The following LHFPL3 variants were observed in gnomAD, a reference collection of about 807,000 sequenced individuals.
The protein encoded by LHFPL3 is LHFPL tetraspan subfamily member 3, also known as LHFPL tetraspan subfamily member 3 protein.
LHFPL3 carries 5 observed loss-of-function variants against 19.3 expected under a neutral mutation model. The observed-to-expected ratio is 0.26, with a 90% confidence interval of 0.14 to 0.54. The LOEUF is 0.54. Ranked by LOEUF, LHFPL3 falls within the 20% of genes least tolerant of loss-of-function variation. LHFPL3 has a pLI of 0.94. For synonymous variants in LHFPL3, 133 were observed against 126.2 expected, an observed-to-expected ratio of 1.05 and a Z score of -0.36; for missense variants, 249 against 307.4, an observed-to-expected ratio of 0.81 and a Z score of 1.42.
intron 1 of LHFPL3, among the ~76,000 whole-genome samples, chr7:104,422,423 G>C (rs2116536538): frequency 6.6e-6 from 1 of 152,090 alleles, no homozygotes; most frequent in South Asian, 2.1e-4. Flanking sequence ...CCAGTCTATG[G>C]GGCTTCATTA....
At chr7:104,428,529 T>A (rs1373728248) in intron 1 of LHFPL3, among the ~76,000 whole-genome samples, 1 of 152,164 alleles carries the variant, frequency 6.6e-6, no homozygotes, top group Non-Finnish European at 1.5e-5. Flanking sequence ...TTATATTTTC[T>A]GCTTGATGTT....
At chr7:104,519,020 A>G (rs1182431709) in intron 1 of LHFPL3, among the ~76,000 whole-genome samples, 5 of 152,072 alleles carry the variant, frequency 3.3e-5, no homozygotes, top group Admixed American at 6.6e-5. Flanking sequence ...TGCTTGTCTT[A>G]GAGCTTTCTC....
At chr7:104,459,345 G>A (rs1792612326) in intron 1 of LHFPL3, among the ~76,000 whole-genome samples, 1 of 152,052 alleles carries the variant, frequency 6.6e-6, no homozygotes, top group African/African-American at 2.4e-5. Flanking sequence ...TTTGAATGTT[G>A]CCTGAAGTAA....
intron 1 of LHFPL3, among the ~76,000 whole-genome samples, chr7:104,567,953 T>A (rs1790154407): frequency 6.6e-6 from 1 of 152,166 alleles, no homozygotes; most frequent in Non-Finnish European, 1.5e-5. Flanking sequence ...CAGTCAAGTT[T>A]CGGGGCACCA....
At chr7:104,656,707 C>G (rs1391002742) in intron 1 of LHFPL3, among the ~76,000 whole-genome samples, 1 of 152,234 alleles carries the variant, frequency 6.6e-6, no homozygotes, top group Non-Finnish European at 1.5e-5. Flanking sequence ...CATTCCCCTT[C>G]CACCTCTCCA....
chr7:104,620,694 T>C (rs17422684), intron 1 of LHFPL3, among the ~76,000 whole-genome samples: 68,164 of 152,042 alleles, frequency 0.45, 15,500 homozygotes, highest in South Asian at 0.53. Context: ...TCTGGGTACA[T>C]AATGGCCCGG....
intron 1 of LHFPL3, among the ~76,000 whole-genome samples, chr7:104,575,638 A>AT (rs1388782596): frequency 1.4e-5 from 2 of 141,272 alleles, no homozygotes; most frequent in Non-Finnish European, 3.1e-5. Context: ...TCTTTGCTTT[A>AT]TTATTTATTT....
At chr7:104,499,956 T>C (rs1584362186) in intron 1 of LHFPL3, among the ~76,000 whole-genome samples, 1 of 152,242 alleles carries the variant, frequency 6.6e-6, no homozygotes, top group African/African-American at 2.4e-5. Flanking sequence ...AATTTTTGTT[T>C]TTCCAAATGC....
chr7:104,683,428 T>C (rs1792748682), intron 1 of LHFPL3, among the ~76,000 whole-genome samples: 1 of 152,238 alleles, frequency 6.6e-6, no homozygotes, highest in Admixed American at 6.5e-5. Flanking sequence ...CTATCATAAT[T>C]TAACCACCCC....
At chr7:104,539,682 T>G (rs1012841202) in intron 1 of LHFPL3, among the ~76,000 whole-genome samples, 12 of 152,202 alleles carry the variant, frequency 7.9e-5, no homozygotes, top group African/African-American at 2.9e-4. Flanking sequence ...AATGTTTTCC[T>G]AGAAATGAGA....
intron 1 of LHFPL3, among the ~76,000 whole-genome samples, chr7:104,424,983 TAAA>T (rs71153196): frequency 2.0e-4 from 13 of 65,170 alleles, no homozygotes; most frequent in Admixed American, 6.6e-4. Flanking sequence ...CTCCATCTCA[TAAA>T]AAAAAAAAAA....
intron 1 of LHFPL3, among the ~76,000 whole-genome samples, chr7:104,513,472 C>A (rs1164594862): frequency 1.3e-5 from 2 of 152,192 alleles, no homozygotes; most frequent in Non-Finnish European, 2.9e-5. Flanking sequence ...GAAACAGAAA[C>A]AGGGAATTTC....
intron 2 of LHFPL3, among the ~76,000 whole-genome samples, chr7:104,766,878 C>A (rs1309785985): frequency 6.6e-6 from 1 of 152,194 alleles, no homozygotes; most frequent in Non-Finnish European, 1.5e-5. Flanking sequence ...TTGATGGACA[C>A]CAAACCCAAA....
intron 1 of LHFPL3, among the ~76,000 whole-genome samples, chr7:104,562,531 C>T (rs1283165972): frequency 3.3e-5 from 5 of 152,222 alleles, no homozygotes; most frequent in Non-Finnish European, 5.9e-5. Context: ...TTTTCAGCTC[C>T]ATCAGCTCCT....
At chr7:104,392,838 G>C (rs1791104536) in intron 1 of LHFPL3, among the ~76,000 whole-genome samples, 1 of 152,096 alleles carries the variant, frequency 6.6e-6, no homozygotes, top group South Asian at 2.1e-4. Context: ...TGGTTGGTAG[G>C]CTCTTAATTA....
chr7:104,616,040 A>G (rs924688164), intron 1 of LHFPL3, among the ~76,000 whole-genome samples: 5 of 152,220 alleles, frequency 3.3e-5, no homozygotes, highest in Admixed American at 3.3e-4. Context: ...AAGAATCAAT[A>G]TCGTGAAAAT....
intron 2 of LHFPL3, among the ~76,000 whole-genome samples, chr7:104,840,628 T>C (rs2116585904): frequency 6.6e-6 from 1 of 151,914 alleles, no homozygotes; most frequent in East Asian, 1.9e-4. Flanking sequence ...TTCTTTCATT[T>C]CTGTCCTTTT....
At chr7:104,457,946 A>T (rs1584333064) in intron 1 of LHFPL3, among the ~76,000 whole-genome samples, 1 of 141,890 alleles carries the variant, frequency 7.0e-6, no homozygotes. Context: ...TCCTTCACCC[A>T]CTTTTTGATG....
chr7:104,583,305 T>A (rs1054741385), intron 1 of LHFPL3, among the ~76,000 whole-genome samples: 1 of 152,130 alleles, frequency 6.6e-6, no homozygotes, highest in Non-Finnish European at 1.5e-5. Context: ...TATACAAAAA[T>A]TAATTCAAGA....
Sources: gnomAD v4.1 joint callset for allele counts (sites outside exome capture counted in the v4.1 genomes callset) on GRCh38, gnomAD v4.1.1 for gene constraint, MANE v1.5 for transcripts, NCBI Gene and HGNC (gene_info 2026-07-23, HGNC 2026-07-21) for gene names.